MAGI1: variants seen among roughly 807,000 people sequenced by gnomAD.
MAGI1 encodes membrane-associated guanylate kinase, WW and PDZ domain-containing protein 1.
A neutral mutation model predicts 139.9 loss-of-function variants in MAGI1; 58 were observed. The observed-to-expected ratio is 0.41, with a 90% confidence interval of 0.34 to 0.52. MAGI1 has a LOEUF of 0.52. MAGI1 is among the 20% of genes least tolerant of loss of function. The pLI is 0.12. For synonymous variants in MAGI1, 812 were observed against 737.9 expected (o/e 1.10, Z -1.63); for missense variants, 1,874 against 1,901.6 (o/e 0.99, Z 0.27).
intron 1 of MAGI1, chr3:66,003,924 C>T (rs186922977): frequency 1.3e-5 from 2 of 152,322 alleles, no homozygotes; most frequent in African/African-American, 4.8e-5. Context: ...GTAAACACCA[C>T]TGCACTCAGA....
intron 1 of MAGI1, among the ~76,000 whole-genome samples, chr3:65,909,823 C>A (rs1280255771): frequency 6.6e-6 from 1 of 152,152 alleles, no homozygotes; most frequent in Non-Finnish European, 1.5e-5. Flanking sequence ...GATCACTAAC[C>A]TTTTTGGCAC....
intron 2 of MAGI1, among the ~76,000 whole-genome samples, chr3:65,621,184 T>G (rs1015640651): frequency 2.0e-5 from 3 of 152,168 alleles, no homozygotes; most frequent in Admixed American, 6.5e-5. Flanking sequence ...AAGTAATAAA[T>G]TCTAAGTAAT....
chr3:65,545,462 T>G (rs1182267504), intron 2 of MAGI1, among the ~76,000 whole-genome samples: 4 of 152,190 alleles, frequency 2.6e-5, no homozygotes, highest in African/African-American at 9.7e-5. Context: ...TTAAAAGACC[T>G]AATTACAAGA....
At chr3:65,483,173 C>T (rs1951396810) in intron 3 of MAGI1, among the ~76,000 whole-genome samples, 1 of 152,188 alleles carries the variant, frequency 6.6e-6, no homozygotes. Flanking sequence ...TGCTTTCGGC[C>T]CTGGGCTTTT....
chr3:65,663,390 C>T (rs2086314178), intron 1 of MAGI1, among the ~76,000 whole-genome samples: 1 of 152,148 alleles, frequency 6.6e-6, no homozygotes, highest in Non-Finnish European at 1.5e-5. Context: ...ACCGTGGTAC[C>T]AGTCCACAGA....
intron 1 of MAGI1, among the ~76,000 whole-genome samples, chr3:65,711,022 G>C (rs535280578): frequency 6.6e-6 from 1 of 152,034 alleles, no homozygotes; most frequent in South Asian, 2.1e-4. Flanking sequence ...CATTTTCATA[G>C]CCTCTATGAA....
intron 1 of MAGI1, among the ~76,000 whole-genome samples, chr3:65,823,994 T>G (rs1291629689): frequency 6.6e-6 from 1 of 152,192 alleles, no homozygotes; most frequent in Non-Finnish European, 1.5e-5. Context: ...TGCCTCTGTG[T>G]CCTCACTGAT....
chr3:65,734,198 T>C (rs80222160), intron 1 of MAGI1, among the ~76,000 whole-genome samples: 1,807 of 152,190 alleles, frequency 0.012, 13 homozygotes, highest in Non-Finnish European at 0.017. Context: ...CTCACACCTG[T>C]AATCTCAGCA....
intron 1 of MAGI1, among the ~76,000 whole-genome samples, chr3:65,973,086 G>T (rs953750150): frequency 6.6e-6 from 1 of 152,030 alleles, no homozygotes; most frequent in Non-Finnish European, 1.5e-5. Context: ...GGAGTTGGAG[G>T]CTGCAGTGAG....
chr3:65,899,021 G>C (rs1009581346), intron 1 of MAGI1, among the ~76,000 whole-genome samples: 6 of 152,040 alleles, frequency 3.9e-5, no homozygotes, highest in Non-Finnish European at 7.4e-5. Context: ...TCCCAGGCTC[G>C]GGTGATCCTC....
At chr3:65,846,976 CAAAAAA>C (rs58391331) in intron 1 of MAGI1, among the ~76,000 whole-genome samples, 1 of 80,988 alleles carries the variant, frequency 1.2e-5, no homozygotes, top group Non-Finnish European at 2.4e-5. Flanking sequence ...CAATGTCTTA[CAAAAAA>C]AAAAAAAAAA....
intron 1 of MAGI1, among the ~76,000 whole-genome samples, chr3:65,821,818 C>T (rs2041966323): frequency 6.6e-6 from 1 of 152,172 alleles, no homozygotes; most frequent in South Asian, 2.1e-4. Flanking sequence ...AGCTAAGATA[C>T]CAGAGGGCAG....
chr3:65,684,145 G>C (rs115517239), intron 1 of MAGI1, among the ~76,000 whole-genome samples: 2,150 of 136,436 alleles, frequency 0.016, 61 homozygotes, highest in African/African-American at 0.056. Flanking sequence ...CTGGATTCCA[G>C]CCTGAGCAAC....
intron 1 of MAGI1, among the ~76,000 whole-genome samples, chr3:65,840,646 A>G (rs1246947206): frequency 6.6e-6 from 1 of 152,126 alleles, no homozygotes; most frequent in East Asian, 1.9e-4. Flanking sequence ...TCTTTCAAAT[A>G]GTGCTGGCTT....
intron 1 of MAGI1, among the ~76,000 whole-genome samples, chr3:65,682,418 G>A (rs74411217): frequency 0.048 from 7,320 of 152,236 alleles, 597 homozygotes; most frequent in African/African-American, 0.17. Flanking sequence ...TAGACCTAAA[G>A]TATGCCTGAT....
rs564236671 is a variant in MAGI1 at position 65,765,579 on chromosome 3, C to CAGAT, written c.314-143495_314-143492dup. On this transcript the variant is annotated intron_variant, in intron 1 of 22. Transcript: ENST00000402939. ...ATTCGGGCCCAGGACAACCTAATAC[C>CAGAT]AGATACATGAGGCTGTGGTGCCTTT... 3.1e-3 allele frequency among the ~76,000 whole-genome samples: 474 copies of CAGAT among 152,306 alleles called. 3 individuals are homozygous for CAGAT. The highest frequency in any genetic ancestry group is 0.011 in the African/African-American group (445 of 41,568).
chr3:66,038,214 A>C lies in MAGI1; in HGVS notation c.95T>G (p.Val32Gly). 1.2e-6 allele frequency: 2 copies of C among 1,612,058 alleles called. No homozygotes were observed. Among genetic ancestry groups the C allele is most frequent in the Non-Finnish European group, 1.7e-6 (2 of 1,179,628 alleles). Residue 32 changes from valine (V) to glycine (G), a missense_variant, in exon 1 of 23, where the codon GTG becomes GGG. Val to Gly is a moderately radical substitution (Grantham distance 109, BLOSUM62 -3). Transcript: ENST00000402939. ...CTCCCCGTGCTCCGCGCCTCCCAGC[A>C]CCGTCACCCCCAGCTCGCCCTGGGG... is the stretch of plus-strand genomic sequence containing the variant. ...RGPQGELGVT[V>G]LGGAEHGEFP...
At chr3:65,462,762 T>C (rs1949898604) in intron 5 of MAGI1, among the ~76,000 whole-genome samples, 2 of 152,310 alleles carry the variant, frequency 1.3e-5, no homozygotes, top group South Asian at 4.1e-4. Context: ...ATGGAATGTT[T>C]TTCCATTTAT....
intron 4 of MAGI1, 42 bp from the exon 5 acceptor site, chr3:65,470,526 A>G: frequency 7.3e-7 from 1 of 1,369,022 alleles, no homozygotes; most frequent in Non-Finnish European, 1.0e-6. Context: ...AGAGAGAGAA[A>G]AAAAAAAAAT....
Sources: allele counts gnomAD v4.1 joint callset (sites outside exome capture counted in the v4.1 genomes callset), GRCh38; gene constraint gnomAD v4.1.1; transcripts MANE v1.5; gene names NCBI Gene and HGNC (gene_info 2026-07-23, HGNC 2026-07-21).